The following SPTLC2 variants were observed in gnomAD, a reference collection of about 807,000 sequenced individuals.
SPTLC2 encodes the protein serine palmitoyltransferase 2.
Under a neutral mutation model 62.0 loss-of-function variants are expected in SPTLC2, and 21 were observed. The ratio of observed to expected loss-of-function variants is 0.34; its 90% CI spans 0.24 to 0.49. The LOEUF is 0.49. Ranked by LOEUF, SPTLC2 falls within the 20% of genes least tolerant of loss-of-function variation. SPTLC2 has a pLI of 0.99. For synonymous variants in SPTLC2, 261 were observed against 261.8 expected, an observed-to-expected ratio of 1.00 and a Z score of 0.03; for missense variants, 511 against 713.0, an observed-to-expected ratio of 0.72 and a Z score of 3.23.
At chr14:77,597,602 T>C (rs1595013559) in intron 1 of SPTLC2, among the ~76,000 whole-genome samples, 1 of 132,794 alleles carries the variant, frequency 7.5e-6, no homozygotes, top group Non-Finnish European at 1.6e-5. Context: ...TGGTGAAACC[T>C]GTCTCTACTA....
intron 6 of SPTLC2, among the ~76,000 whole-genome samples, chr14:77,561,536 G>A (rs989071083): frequency 1.3e-5 from 2 of 151,658 alleles, no homozygotes; most frequent in East Asian, 1.9e-4. Flanking sequence ...GCTTGAACTC[G>A]GGAGGCAGAG....
chr14:77,567,272 T>G (rs1224153005), intron 5 of SPTLC2, among the ~76,000 whole-genome samples: 2 of 152,212 alleles, frequency 1.3e-5, no homozygotes, highest in Non-Finnish European at 2.9e-5. Flanking sequence ...TATAAATCCT[T>G]ATGGTTGTAT....
At chr14:77,554,774 C>T (rs36111947) in intron 8 of SPTLC2, 65,451 of 167,204 alleles carry the variant, frequency 0.39, 15,102 homozygotes, top group East Asian at 0.87. Flanking sequence ...CAAAATTCAC[C>T]GTATGATTTT....
intron 8 of SPTLC2, among the ~76,000 whole-genome samples, chr14:77,554,194 T>C (rs1462988710): frequency 6.6e-6 from 1 of 152,220 alleles, no homozygotes; most frequent in Non-Finnish European, 1.5e-5. Context: ...CTCTGTGCCA[T>C]ATACAAATAC....
intron 1 of SPTLC2, among the ~76,000 whole-genome samples, chr14:77,601,954 C>CT (rs1267522600): frequency 2.0e-5 from 3 of 152,238 alleles, no homozygotes; most frequent in Non-Finnish European, 4.4e-5. Context: ...GGATGCCTCT[C>CT]TGATTATTCA....
chr14:77,527,074 G>A (rs1431587610), intron 9 of SPTLC2, among the ~76,000 whole-genome samples: 6 of 148,266 alleles, frequency 4.0e-5, no homozygotes, highest in African/African-American at 1.0e-4. Context: ...GATTACAGGC[G>A]TGAGCCACTG....
chr14:77,593,799 A>C (rs1019228190), intron 2 of SPTLC2, among the ~76,000 whole-genome samples: 1 of 152,206 alleles, frequency 6.6e-6, no homozygotes, highest in Admixed American at 6.5e-5. Flanking sequence ...TTTGCATTTT[A>C]TGATCCCAAG....
rs1478347741 is a variant in SPTLC2 at position 77,511,600 on chromosome 14, CTG to C, written c.*682_*683del. ...ACCAGAATTTGCGCACATCCTCAGA[CTG>C]TGACCATTATGAAGAAGTATTTGAT... On this transcript the variant is annotated 3_prime_UTR_variant, in exon 12 of 12. Transcript: ENST00000216484. The C allele has an allele frequency of 6.4e-6, 1 of 155,172 alleles. No homozygotes were observed. Among genetic ancestry groups the C allele is most frequent in the African/African-American group, 2.4e-5 (1 of 41,454 alleles). The allele number at this position is 155,172 out of a possible 1,614,324, so 9.6% of individuals were successfully genotyped here. A position where few individuals can be genotyped will look rare whatever the true frequency, so the allele number is the denominator to read the frequency against.
intron 2 of SPTLC2, among the ~76,000 whole-genome samples, chr14:77,586,719 A>C (rs146036962): frequency 9.6e-4 from 146 of 152,342 alleles, no homozygotes; most frequent in Non-Finnish European, 1.6e-3. Flanking sequence ...AGAAAAATAC[A>C]CAAACCCAGT....
In SPTLC2 at chr14:77,527,012, T is replaced by C. The variant is rs983718324; in HGVS notation, c.1304-5431A>G. On this transcript the variant is annotated intron_variant, in intron 9 of 11. Coordinates refer to ENST00000216484, the MANE Select transcript of SPTLC2 (RefSeq NM_004863.4). ...GGTTTCACCATGTTAGGCAGGATGA[T>C]GTCGATCTCCTGACCTCATGATCCA... Among the ~76,000 whole-genome samples the C allele has an allele frequency of 2.0e-5, 3 of 151,972 alleles. No individual in the cohort carries two copies. The East Asian group carries it at 5.8e-4, about 29-fold the overall frequency.
At chr14:77,555,029 C>T in intron 8 of SPTLC2, 1 of 456,920 alleles carries the variant, frequency 2.2e-6, no homozygotes, top group Non-Finnish European at 4.0e-6. Context: ...CAGGGAGCAC[C>T]ACTGTGTGTT....
In SPTLC2 at chr14:77,512,267, G is replaced by A; in HGVS notation, c.*17C>T. The A allele has an allele frequency of 6.2e-7, 1 of 1,613,434 alleles. No homozygotes were observed. Among genetic ancestry groups the A allele is most frequent in the Non-Finnish European group, 8.5e-7 (1 of 1,179,994 alleles). ...CCTGGGTGAGGGAGAGTTCCTCTGA[G>A]GGAGCACCAAAAAGGCTCAGTCTTC... On this transcript the variant is annotated 3_prime_UTR_variant, in exon 12 of 12. Transcript: ENST00000216484.
At position 77,537,630 on chromosome 14, in the gene SPTLC2, T is replaced by G. The variant is rs563423228; in HGVS notation, c.1303+14466A>C. On this transcript the variant is annotated intron_variant, in intron 9 of 11. Coordinates refer to ENST00000216484, the MANE Select transcript of SPTLC2 (RefSeq NM_004863.4). ...AACAATCATCTAATACATTAATAAATATCTAGTACACAAAAAGCATTCTGG... is the reference window on the plus strand; with the variant it reads ...AACAATCATCTAATACATTAATAAAGATCTAGTACACAAAAAGCATTCTGG... 3.9e-5 allele frequency among the ~76,000 whole-genome samples: 6 copies of G among 152,294 alleles called. No homozygotes were observed. In the East Asian group the frequency reaches 1.2e-3, roughly 29 times the overall value.
chr14:77,521,043 G>A (rs546342870), intron 10 of SPTLC2, among the ~76,000 whole-genome samples: 14 of 152,114 alleles, frequency 9.2e-5, no homozygotes, highest in East Asian at 3.9e-4. Context: ...TTATCGGCCC[G>A]CCCACAGGGC....
At chr14:77,530,126 T>C (rs1197962077) in intron 9 of SPTLC2, among the ~76,000 whole-genome samples, 2 of 152,294 alleles carry the variant, frequency 1.3e-5, no homozygotes, top group Non-Finnish European at 2.9e-5. Flanking sequence ...TGAAGGTATC[T>C]TGGACTTATG....
chr14:77,575,917 A>C (rs1786931146), intron 4 of SPTLC2, among the ~76,000 whole-genome samples: 1 of 152,164 alleles, frequency 6.6e-6, no homozygotes, highest in South Asian at 2.1e-4. Context: ...TGGTATGAAG[A>C]AACCCAAGCT....
rs1396473595 is a variant in SPTLC2, at chr14:77,509,926, T to C, written c.*2358A>G. On this transcript the variant is annotated 3_prime_UTR_variant, in exon 12 of 12. Transcript: ENST00000216484. ...AAATGCCGGTACTGACATTTGAATTTGCAGTGACTTCATGCAAGCCAAAAT... is the reference window on the plus strand; with the variant it reads ...AAATGCCGGTACTGACATTTGAATTCGCAGTGACTTCATGCAAGCCAAAAT... 5.0e-6 allele frequency: 2 copies of C among 398,348 alleles called. No individual in the cohort carries two copies. The highest frequency in any genetic ancestry group is 8.8e-6 in the Non-Finnish European group (2 of 225,996). 24.7% of individuals were successfully genotyped at this position (398,348 alleles called of 1,614,324 possible).
intron 9 of SPTLC2, among the ~76,000 whole-genome samples, chr14:77,541,881 A>G (rs1336679654): frequency 6.6e-6 from 1 of 152,038 alleles, no homozygotes; most frequent in Non-Finnish European, 1.5e-5. Flanking sequence ...ACATGGAGAA[A>G]CCCCGTCTCT....
chr14:77,610,628 G>C (rs1437929895), intron 1 of SPTLC2, among the ~76,000 whole-genome samples: 2 of 152,066 alleles, frequency 1.3e-5, no homozygotes, highest in African/African-American at 4.8e-5. Context: ...CACACCCATA[G>C]TATCAGTACA....
Sources: gnomAD v4.1 joint callset for allele counts (sites outside exome capture counted in the v4.1 genomes callset) on GRCh38, gnomAD v4.1.1 for gene constraint, MANE v1.5 for transcripts, NCBI Gene and HGNC (gene_info 2026-07-23, HGNC 2026-07-21) for gene names.